Variants in TRPC6 observed in about 807,000 individuals in gnomAD.
TRPC6 encodes transient receptor potential cation channel subfamily C member 6.
A neutral mutation model predicts 90.7 loss-of-function variants in TRPC6; 55 were observed. The observed-to-expected ratio is 0.61, with a 90% confidence interval of 0.49 to 0.76. The LOEUF (loss-of-function observed/expected upper bound fraction) is 0.76. TRPC6 is among the 30% of genes least tolerant of loss of function. TRPC6 has a pLI of 0.00. For missense variants in TRPC6, 989 were observed against 1,122.7 expected (o/e 0.88, Z 1.70); for synonymous variants, 393 against 393.0 (o/e 1.00, Z 0.00).
At chr11:101,572,235 G>C (rs949947669) in intron 1 of TRPC6, among the ~76,000 whole-genome samples, 1 of 151,260 alleles carries the variant, frequency 6.6e-6, no homozygotes, top group African/African-American at 2.4e-5. Context: ...CTTCTCAAAA[G>C]AAGACATTTT....
chr11:101,568,814 G>C (rs538234866), intron 1 of TRPC6, among the ~76,000 whole-genome samples: 36 of 152,292 alleles, frequency 2.4e-4, no homozygotes, highest in African/African-American at 8.2e-4. Flanking sequence ...AGCAAATGCT[G>C]AGAGATTGTG....
At chr11:101,573,006 A>AT (rs200697320) in intron 1 of TRPC6, among the ~76,000 whole-genome samples, 3,026 of 95,396 alleles carry the variant, frequency 0.032, 116 homozygotes, top group African/African-American at 0.098. Flanking sequence ...TTAAAGTATA[A>AT]TTAAAAAAAA....
Position 101,583,403 on chromosome 11 carries a change from A to G in TRPC6, c.101T>C (p.Met34Thr), listed in dbSNP as rs758531773. 6.9e-6 allele frequency: 11 copies of G among 1,586,224 alleles called. No individual in the cohort carries two copies. Among genetic ancestry groups the G allele is most frequent in the African/African-American group, 2.7e-5 (2 of 74,100 alleles). The change falls in exon 1 of 13, where the codon ATG becomes ACG. Residue 34 changes from methionine (M) to threonine (T), a missense_variant. By Grantham distance (81) the Met-to-Thr change is moderately conservative (BLOSUM62 -1). This residue lies in a region of TRPC6 where 194 missense variants were observed against 136.5 expected (regional missense o/e 1.42). Coordinates refer to ENST00000344327, the MANE Select transcript of TRPC6 (RefSeq NM_004621.6). ...GCCGTCTTCTCCCAGCTCCGAGTCC[A>G]TGAGCAGATAGTCCTGGCTCTCGTT... ...RRNESQDYLL[M>T]DSELGEDGCP...
chr11:101,467,889 T>G (rs142273450), intron 10 of TRPC6, among the ~76,000 whole-genome samples: 35 of 152,330 alleles, frequency 2.3e-4, no homozygotes, highest in African/African-American at 7.2e-4. Context: ...GAACTATCCT[T>G]TCTAGAGTGA....
chr11:101,531,155 G>C (rs188337780), intron 1 of TRPC6, among the ~76,000 whole-genome samples: 138 of 152,230 alleles, frequency 9.1e-4, no homozygotes, highest in African/African-American at 2.7e-3. Context: ...TGATTGTGAT[G>C]ATCATTACCC....
chr11:101,535,175 AAAGGAAGGAAGGAAGGAAGGAAGG>A (rs199866910), intron 1 of TRPC6, among the ~76,000 whole-genome samples: 7,481 of 129,582 alleles, frequency 0.058, 602 homozygotes, highest in African/African-American at 0.17. Context: ...GAAAGAAAAG[AAAGGAAGGAAGGAAGGAAGGAAGG>A]AAGGAAGGAA....
At chr11:101,533,465 G>A (rs755507940) in intron 1 of TRPC6, among the ~76,000 whole-genome samples, 5 of 152,162 alleles carry the variant, frequency 3.3e-5, no homozygotes, top group Non-Finnish European at 7.3e-5. Flanking sequence ...CAAGCCATGA[G>A]GGATCTGCCA....
chr11:101,573,001 G>A (rs549163841), intron 1 of TRPC6, among the ~76,000 whole-genome samples: 12 of 96,932 alleles, frequency 1.2e-4, no homozygotes, highest in African/African-American at 4.5e-4. Context: ...AGAACTTAAA[G>A]TATAATTAAA....
chr11:101,480,526 A>G (rs1340810352), intron 5 of TRPC6, among the ~76,000 whole-genome samples: 2 of 152,024 alleles, frequency 1.3e-5, no homozygotes, highest in Non-Finnish European at 2.9e-5. Context: ...TTTACCATAA[A>G]TCATTCTCTT....
At chr11:101,460,908 C>G (rs1023655365) in intron 10 of TRPC6, among the ~76,000 whole-genome samples, 1 of 152,152 alleles carries the variant, frequency 6.6e-6, no homozygotes, top group Non-Finnish European at 1.5e-5. Context: ...TAATTCATAA[C>G]CTCTTATCCG....
chr11:101,486,047 G>A (rs1218010150), intron 4 of TRPC6, among the ~76,000 whole-genome samples: 1 of 151,726 alleles, frequency 6.6e-6, no homozygotes, highest in East Asian at 1.9e-4. Flanking sequence ...CTTATTAAAA[G>A]TCTTAGGGTA....
At chr11:101,496,095 A>C (rs1859942687) in intron 2 of TRPC6, among the ~76,000 whole-genome samples, 1 of 152,074 alleles carries the variant, frequency 6.6e-6, no homozygotes, top group Non-Finnish European at 1.5e-5. Flanking sequence ...AGAGAGAGAG[A>C]GAGAGTGAAG....
At chr11:101,536,290 G>A (rs1861043020) in intron 1 of TRPC6, among the ~76,000 whole-genome samples, 1 of 152,170 alleles carries the variant, frequency 6.6e-6, no homozygotes. Context: ...GGGAGGCTGA[G>A]GCACCAGGAT....
intron 1 of TRPC6, among the ~76,000 whole-genome samples, chr11:101,559,464 A>G (rs1279916590): frequency 6.6e-6 from 1 of 152,192 alleles, no homozygotes. Context: ...ATAGGTTTTA[A>G]CAAAACAAAT....
intron 1 of TRPC6, among the ~76,000 whole-genome samples, chr11:101,550,624 A>C (rs1163911521): frequency 6.6e-6 from 1 of 151,736 alleles, no homozygotes; most frequent in African/African-American, 2.4e-5. Context: ...ATAAATAAGG[A>C]TAAAGGGCAA....
At chr11:101,548,381 AAATAT>A (rs1385104203) in intron 1 of TRPC6, among the ~76,000 whole-genome samples, 15 of 143,566 alleles carry the variant, frequency 1.0e-4, no homozygotes, top group Non-Finnish European at 1.8e-4. Flanking sequence ...TATAATATAT[AAATAT>A]ATTATGTATA....
intron 1 of TRPC6, among the ~76,000 whole-genome samples, chr11:101,546,909 T>A (rs1861319236): frequency 6.6e-6 from 1 of 152,148 alleles, no homozygotes; most frequent in South Asian, 2.1e-4. Context: ...TAAAATTTTA[T>A]GAATGTCAAA....
intron 1 of TRPC6, among the ~76,000 whole-genome samples, chr11:101,534,593 A>C (rs1219600061): frequency 6.6e-6 from 1 of 152,194 alleles, no homozygotes; most frequent in Non-Finnish European, 1.5e-5. Context: ...TAAAAAAAAA[A>C]ACCCAGGTCA....
At chr11:101,548,740 T>C (rs1861383687) in intron 1 of TRPC6, among the ~76,000 whole-genome samples, 1 of 151,778 alleles carries the variant, frequency 6.6e-6, no homozygotes, top group Non-Finnish European at 1.5e-5. Context: ...TTCCACACAA[T>C]GAAATATAGT....
Sources: allele counts gnomAD v4.1 joint callset (sites outside exome capture counted in the v4.1 genomes callset), GRCh38; gene constraint gnomAD v4.1.1; regional missense constraint gnomAD v4.1.1; transcripts MANE v1.5; gene names NCBI Gene and HGNC (gene_info 2026-07-23, HGNC 2026-07-21).